SLC24A2: variants seen among roughly 807,000 people sequenced by gnomAD.
The protein encoded by SLC24A2 is solute carrier family 24 member 2.
Under a neutral mutation model 62.0 loss-of-function variants are expected in SLC24A2, and 36 were observed. The observed-to-expected ratio is 0.58, with a 90% confidence interval of 0.44 to 0.77. The LOEUF (loss-of-function observed/expected upper bound fraction) is 0.77. Among genes scored for constraint, SLC24A2 ranks in the 30% least tolerant of loss-of-function variants. SLC24A2 has a pLI of 0.00. For missense variants in SLC24A2, 846 were observed against 817.9 expected, an observed-to-expected ratio of 1.03 and a Z score of -0.42; for synonymous variants, 358 against 294.0, an observed-to-expected ratio of 1.22 and a Z score of -2.23.
chr9:19,812,628 C>T, the SLC24A2 span, among the ~76,000 whole-genome samples: 1 of 152,116 alleles, frequency 6.6e-6, no homozygotes, highest in African/African-American at 2.4e-5. Flanking sequence ...GTAAGAACCA[C>T]CTGTAGTTCT....
At chr9:19,597,181 C>A (rs1334939900) in intron 5 of SLC24A2, 48 bp downstream of exon 5, 1 of 1,218,196 alleles carries the variant, frequency 8.2e-7, no homozygotes, top group African/African-American at 1.5e-5. Flanking sequence ...GCAACAGACA[C>A]CATAAATGTA....
intron 2 of SLC24A2, among the ~76,000 whole-genome samples, chr9:19,666,265 G>T (rs111710883): frequency 7.2e-5 from 11 of 152,056 alleles, no homozygotes; most frequent in Admixed American, 2.6e-4. Flanking sequence ...AATTAGCCAG[G>T]CATGGTGGCA....
intron 7 of SLC24A2, among the ~76,000 whole-genome samples, chr9:19,551,530 G>A (rs1160689267): frequency 6.6e-6 from 1 of 152,152 alleles, no homozygotes; most frequent in Non-Finnish European, 1.5e-5. Context: ...TGAAAGTGCA[G>A]CAGTGGACCA....
intron 2 of SLC24A2, among the ~76,000 whole-genome samples, chr9:19,641,669 C>G (rs570518943): frequency 6.6e-6 from 1 of 152,046 alleles, no homozygotes; most frequent in Non-Finnish European, 1.5e-5. Context: ...TGCGTGCCAC[C>G]GTGCCCGGCT....
chr9:19,675,384 G>A (rs1819532511), intron 2 of SLC24A2, among the ~76,000 whole-genome samples: 1 of 152,268 alleles, frequency 6.6e-6, no homozygotes, highest in South Asian at 2.1e-4. Context: ...CATAGTATAG[G>A]GAGGATCAGG....
the SLC24A2 span, among the ~76,000 whole-genome samples, chr9:19,921,811 C>T: frequency 6.6e-6 from 1 of 152,034 alleles, no homozygotes; most frequent in African/African-American, 2.4e-5. Flanking sequence ...GACTCCAAGC[C>T]CTGCTGGCAA....
chr9:20,245,605 T>C, the SLC24A2 span, among the ~76,000 whole-genome samples: 1 of 152,270 alleles, frequency 6.6e-6, no homozygotes, highest in East Asian at 1.9e-4. Context: ...AAGCAGAGCT[T>C]AGAAAGAACA....
At chr9:19,541,741 G>C (rs1257596244) in intron 8 of SLC24A2, among the ~76,000 whole-genome samples, 2 of 148,650 alleles carry the variant, frequency 1.3e-5, no homozygotes, top group Non-Finnish European at 3.0e-5. Context: ...CACCCAGTTC[G>C]AGCTTCCCGG....
At chr9:20,010,258 C>T in the SLC24A2 span, among the ~76,000 whole-genome samples, 2 of 152,088 alleles carry the variant, frequency 1.3e-5, no homozygotes, top group African/African-American at 4.8e-5. Flanking sequence ...GGTGTTTCAC[C>T]ACCAAAGAAC....
At chr9:20,301,745 T>C in the SLC24A2 span, among the ~76,000 whole-genome samples, 1 of 152,290 alleles carries the variant, frequency 6.6e-6, no homozygotes, top group African/African-American at 2.4e-5. Context: ...TGTTGACACA[T>C]CATAATCACT....
chr9:19,718,622 C>T (rs75251612), intron 2 of SLC24A2, among the ~76,000 whole-genome samples: 1 of 152,158 alleles, frequency 6.6e-6, no homozygotes, highest in East Asian at 1.9e-4. Context: ...ATTTAACACT[C>T]TTATAGCATC....
chr9:19,817,921 A>C, the SLC24A2 span, among the ~76,000 whole-genome samples: 2 of 151,884 alleles, frequency 1.3e-5, no homozygotes, highest in Non-Finnish European at 2.9e-5. Context: ...TTTTATAGGG[A>C]TGGAGTCTAT....
chr9:19,761,700 C>A (rs1409819041), intron 2 of SLC24A2, among the ~76,000 whole-genome samples: 1 of 151,766 alleles, frequency 6.6e-6, no homozygotes, highest in Non-Finnish European at 1.5e-5. Flanking sequence ...TCTCATTGTT[C>A]AATTCCCACC....
chr9:19,994,814 A>G, the SLC24A2 span, among the ~76,000 whole-genome samples: 1 of 152,204 alleles, frequency 6.6e-6, no homozygotes, highest in Non-Finnish European at 1.5e-5. Flanking sequence ...GAACCAGCTT[A>G]TGCTATTGAA....
At chr9:20,191,112 G>T in the SLC24A2 span, among the ~76,000 whole-genome samples, 7 of 151,484 alleles carry the variant, frequency 4.6e-5, no homozygotes, top group Admixed American at 2.0e-4. Flanking sequence ...GAGTCACTTA[G>T]GGTCATAAAA....
At chr9:20,110,434 G>T in the SLC24A2 span, among the ~76,000 whole-genome samples, 2 of 150,650 alleles carry the variant, frequency 1.3e-5, no homozygotes, top group African/African-American at 4.9e-5. Flanking sequence ...ACCCAAAGTA[G>T]TCCAACTTCT....
intron 2 of SLC24A2, among the ~76,000 whole-genome samples, chr9:19,649,016 A>C (rs548398959): frequency 1.3e-5 from 2 of 151,598 alleles, no homozygotes; most frequent in South Asian, 2.1e-4. Flanking sequence ...AAAAAAAAAA[A>C]AAACAAAAAA....
chr9:19,837,350 G>T, the SLC24A2 span, among the ~76,000 whole-genome samples: 2 of 150,350 alleles, frequency 1.3e-5, no homozygotes, highest in East Asian at 2.0e-4. Flanking sequence ...TACTCGGGAG[G>T]CTGAGGCAGG....
the SLC24A2 span, among the ~76,000 whole-genome samples, chr9:19,938,102 T>C: frequency 1.2e-3 from 181 of 152,326 alleles, 2 homozygotes; most frequent in African/African-American, 3.7e-3. Context: ...TATTTTATAG[T>C]ACTCTTATAG....
Sources: gnomAD v4.1 joint callset for allele counts (sites outside exome capture counted in the v4.1 genomes callset) on GRCh38, gnomAD v4.1.1 for gene constraint, MANE v1.5 for transcripts, NCBI Gene and HGNC (gene_info 2026-07-23, HGNC 2026-07-21) for gene names.